Variants in ADGRF5 observed in about 807,000 individuals in gnomAD.
ADGRF5 encodes the protein G-protein coupled receptor 116.
Under a neutral mutation model 132.3 loss-of-function variants are expected in ADGRF5, and 75 were observed. That is an observed-to-expected ratio of 0.57 (90% CI 0.47 to 0.69). The LOEUF is 0.69. Among genes scored for constraint, ADGRF5 ranks in the 30% least tolerant of loss-of-function variants. The probability of loss-of-function intolerance (pLI) is 0.00; values close to 1 mark genes in which losing one functional copy is unlikely to be tolerated. For missense variants in ADGRF5, 1,516 were observed against 1,630.6 expected, an observed-to-expected ratio of 0.93 and a Z score of 1.21; for synonymous variants, 629 against 597.6, an observed-to-expected ratio of 1.05 and a Z score of -0.77.
Position 46,859,417 on chromosome 6 carries a change from A to C in ADGRF5, c.2486T>G (p.Val829Gly). The change falls in exon 17 of 21, where the codon GTG (valine) becomes GGG (glycine). Residue 829 changes from valine (V) to glycine (G), a missense_variant. Coordinates refer to ENST00000283296, the MANE Select transcript of ADGRF5 (RefSeq NM_001098518.2). ...CTGTAATGCTTGGGAAAATCTTTCC[A>C]CTGAATGTAGTAGCTGTGAACTCTG... ...TNQSSQLLHS[V>G]ERFSQALQSG... 6.2e-7 allele frequency: 1 copy of C among 1,613,378 alleles called. No individual in the cohort carries two copies. The highest frequency in any genetic ancestry group is 8.5e-7 in the Non-Finnish European group (1 of 1,179,320).
chr6:46,929,875 C>T (rs577616256), intron 1 of ADGRF5, among the ~76,000 whole-genome samples: 1 of 152,018 alleles, frequency 6.6e-6, no homozygotes, highest in Admixed American at 6.6e-5. Context: ...AGGCTGGACA[C>T]AGCAGCACGA....
At chr6:46,948,752 A>G (rs1482469770) in intron 1 of ADGRF5, among the ~76,000 whole-genome samples, 2 of 152,106 alleles carry the variant, frequency 1.3e-5, no homozygotes, top group East Asian at 3.9e-4. Context: ...ATATTTTTGG[A>G]TGACTACTCA....
At chr6:46,918,879 G>C (rs1162206444) in intron 1 of ADGRF5, among the ~76,000 whole-genome samples, 1 of 152,180 alleles carries the variant, frequency 6.6e-6, no homozygotes, top group Non-Finnish European at 1.5e-5. Context: ...TTTAGCCACT[G>C]TATCTTACAC....
intron 10 of ADGRF5, among the ~76,000 whole-genome samples, chr6:46,877,303 C>CCTTCCTTCCTTCCTTCCT (rs1388865911): frequency 8.5e-5 from 6 of 70,252 alleles, no homozygotes; most frequent in African/African-American, 3.5e-4. Flanking sequence ...CTCTCTCTCT[C>CCTTCCTTCCTTCCTTCCT]TCTTTCCTTC....
intron 1 of ADGRF5, among the ~76,000 whole-genome samples, chr6:46,927,950 T>C (rs978280769): frequency 6.6e-6 from 1 of 152,190 alleles, no homozygotes; most frequent in Non-Finnish European, 1.5e-5. Context: ...TCATGCCAAA[T>C]AGCTGTATTG....
At chr6:46,940,496 AG>A (rs1162931287) in intron 1 of ADGRF5, among the ~76,000 whole-genome samples, 1 of 151,942 alleles carries the variant, frequency 6.6e-6, no homozygotes, top group Non-Finnish European at 1.5e-5. Flanking sequence ...AACAGCCCTC[AG>A]GATATATTTC....
At chr6:46,943,428 A>G (rs1210578573) in intron 1 of ADGRF5, among the ~76,000 whole-genome samples, 3 of 152,252 alleles carry the variant, frequency 2.0e-5, no homozygotes, top group Non-Finnish European at 2.9e-5. Flanking sequence ...GCAGAATACT[A>G]TCTTAATGCT....
chr6:46,918,129 A>G (rs957785618), intron 1 of ADGRF5, among the ~76,000 whole-genome samples: 25 of 152,282 alleles, frequency 1.6e-4, no homozygotes, highest in Admixed American at 3.9e-4. Flanking sequence ...TATTTTAACC[A>G]TCATGACCAG....
chr6:46,869,981 T>G (rs993175881), intron 11 of ADGRF5, among the ~76,000 whole-genome samples: 4 of 151,904 alleles, frequency 2.6e-5, no homozygotes, highest in Non-Finnish European at 4.4e-5. Context: ...ATATAAAAGC[T>G]TATATGAGCT....
At chr6:46,917,312 C>T (rs1332125416) in intron 1 of ADGRF5, among the ~76,000 whole-genome samples, 2 of 152,148 alleles carry the variant, frequency 1.3e-5, no homozygotes, top group African/African-American at 2.4e-5. Flanking sequence ...CTGCATGAAC[C>T]GCATTTCTCT....
In ADGRF5 at chr6:46,856,845, A is replaced by G. The variant is rs751386941; in HGVS notation, c.3816+22T>C. 16 of 1,608,032 alleles carry G rather than the reference A, an allele frequency of 1.0e-5. No individual in the cohort carries two copies. In the Admixed American group the frequency reaches 1.7e-4, roughly 17 times the overall value. ...AAGCACTTCAGACTTTTCTAGAAAC[A>G]TGAAACTGTCATTGCTCTTACCTTC... On this transcript the variant is annotated intron_variant, in intron 18 of 20. Transcript: ENST00000283296.
rs1440177303 is a variant in ADGRF5 at position 46,858,956 on chromosome 6, C to G, written c.2947G>C (p.Val983Leu). Residue 983 changes from valine (V) to leucine (L), a missense_variant, in exon 17 of 21, where the codon GTC becomes CTC. Val to Leu is a conservative substitution (Grantham distance 32). Around this residue, in one of 2 missense-constraint regions of ADGRF5, gnomAD observed 571 missense variants for 701.2 expected, o/e 0.81. Transcript: ENST00000283296. ...GTTAGGTGGTCACAGATACAGGTGA[C>G]ATTGTCCCCATCACCTTCTTCTACA... ...CYVEEGDGDN[V>L]TCICDHLTSF... 1.2e-6 allele frequency: 2 copies of G among 1,613,084 alleles called. No individual in the cohort carries two copies. The highest frequency in any genetic ancestry group is 8.5e-7 in the Non-Finnish European group (1 of 1,179,052).
intron 1 of ADGRF5, among the ~76,000 whole-genome samples, chr6:46,920,105 CT>C (rs1344130933): frequency 2.0e-5 from 3 of 152,202 alleles, no homozygotes; most frequent in Admixed American, 6.5e-5. Flanking sequence ...ATCTATCAAT[CT>C]AGCTATTATC....
chr6:46,875,769 C>T (rs1771588741), intron 10 of ADGRF5, among the ~76,000 whole-genome samples: 1 of 152,034 alleles, frequency 6.6e-6, no homozygotes, highest in East Asian at 1.9e-4. Context: ...AAAAGCAAGA[C>T]TCTATCTCAA....
At chr6:46,918,986 C>T (rs1056688335) in intron 1 of ADGRF5, among the ~76,000 whole-genome samples, 1 of 152,142 alleles carries the variant, frequency 6.6e-6, no homozygotes, top group African/African-American at 2.4e-5. Flanking sequence ...ATGCCCTGGC[C>T]CCATCCTCAG....
In ADGRF5 at chr6:46,953,651, GTATATATATA is replaced by G. The variant is rs61302381; in HGVS notation, c.-25+1073_-25+1082del. On this transcript the variant is annotated intron_variant, in intron 1 of 20. Transcript: ENST00000265417. ...AAATTATATATATATAGATATATGTGTATATATATATATATATATATATATATATATATAT... is the reference window on the plus strand; with the variant it reads ...AAATTATATATATATAGATATATGTGTATATATATATATATATATATATAT... Among the ~76,000 whole-genome samples the G allele has an allele frequency of 8.1e-3, 341 of 42,182 alleles. 9 individuals carry two copies. The highest frequency in any genetic ancestry group is 0.021 in the African/African-American group (298 of 14,274). The allele number at this position is 42,182 out of a possible 152,430, so 27.7% of individuals were successfully genotyped here. A position where few individuals can be genotyped will look rare whatever the true frequency, so the allele number is the denominator to read the frequency against.
intron 14 of ADGRF5, among the ~76,000 whole-genome samples, chr6:46,864,815 C>T (rs1467555001): frequency 2.6e-5 from 4 of 152,134 alleles, no homozygotes; most frequent in Non-Finnish European, 5.9e-5. Context: ...TGAGCCACCG[C>T]ACCCGGCCAA....
chr6:46,857,423 C>T (rs1456381754), intron 17 of ADGRF5, among the ~76,000 whole-genome samples: 1 of 152,160 alleles, frequency 6.6e-6, no homozygotes, highest in East Asian at 1.9e-4. Flanking sequence ...GGCCTCAATC[C>T]TTGGGCAAGT....
chr6:46,882,802 TTCATCAAGGCAC>T (rs1159403857), intron 6 of ADGRF5, among the ~76,000 whole-genome samples: 2 of 152,204 alleles, frequency 1.3e-5, no homozygotes, highest in Non-Finnish European at 2.9e-5. Flanking sequence ...GAAGCGGCAC[TTCATCAAGGCAC>T]TCATGGGAGA....
Sources: allele counts gnomAD v4.1 joint callset (sites outside exome capture counted in the v4.1 genomes callset), GRCh38; gene constraint gnomAD v4.1.1; regional missense constraint gnomAD v4.1.1; transcripts MANE v1.5; gene names NCBI Gene and HGNC (gene_info 2026-07-23, HGNC 2026-07-21).